Variants in NTM observed in about 807,000 individuals in gnomAD.
The protein encoded by NTM is neurotrimin.
NTM carries 13 observed loss-of-function variants against 42.1 expected under a neutral mutation model. The observed-to-expected ratio is 0.31, with a 90% confidence interval of 0.20 to 0.49. NTM has a LOEUF of 0.49. Ranked by LOEUF, NTM falls within the 20% of genes least tolerant of loss-of-function variation. The probability of loss-of-function intolerance (pLI) is 0.99; values close to 1 mark genes in which losing one functional copy is unlikely to be tolerated. For synonymous variants in NTM, 187 were observed against 179.2 expected, an observed-to-expected ratio of 1.04 and a Z score of -0.35; for missense variants, 373 against 452.8, an observed-to-expected ratio of 0.82 and a Z score of 1.60.
At chr11:131,922,520 C>T (rs573949) in intron 2 of NTM, among the ~76,000 whole-genome samples, 126,768 of 152,198 alleles carry the variant, frequency 0.83, 53,355 homozygotes, top group East Asian at 1. Flanking sequence ...CTAGTACATC[C>T]TTTATTTTTT....
chr11:131,933,955 A>G lies in NTM; in HGVS notation c.167+22307A>G, dbSNP rs115632821. On this transcript the variant is annotated intron_variant, in intron 2 of 8. Transcript: ENST00000683400. Reference sequence around the variant, plus strand: ...CACTCAGAGCCCCGTGACCATCCCAATTTTAAAAATGAGGGTCTGAGATGC... The same window carrying G: ...CACTCAGAGCCCCGTGACCATCCCAGTTTTAAAAATGAGGGTCTGAGATGC... Among the ~76,000 whole-genome samples, 1,301 of 152,176 alleles carry G rather than the reference A, an allele frequency of 8.5e-3. 15 individuals carry two copies. Among genetic ancestry groups the G allele is most frequent in the African/African-American group, 0.029 (1,196 of 41,508 alleles).
intron 1 of NTM, among the ~76,000 whole-genome samples, chr11:131,835,797 T>C (rs1238849099): frequency 1.3e-5 from 2 of 152,166 alleles, no homozygotes; most frequent in East Asian, 3.9e-4. Context: ...TTGTTTTAAC[T>C]CCAAACTGGA....
chr11:131,873,046 G>A (rs1196918756), intron 1 of NTM, among the ~76,000 whole-genome samples: 1 of 152,238 alleles, frequency 6.6e-6, no homozygotes, highest in African/African-American at 2.4e-5. Context: ...TCTGACCGGT[G>A]TGAGACACAT....
rs1443279848 is a variant in NTM, at chr11:131,763,707, C to CTTTTTTTTTTT, written c.83-147856_83-147855insTTTTTTTTTTT. Among the ~76,000 whole-genome samples the CTTTTTTTTTTT allele has an allele frequency of 2.5e-4, 15 of 60,786 alleles. 1 individual carries two copies. Among genetic ancestry groups the CTTTTTTTTTTT allele is most frequent in the East Asian group, 1.1e-3 (1 of 898 alleles). 39.9% of individuals were successfully genotyped at this position (60,786 alleles called of 152,430 possible). A position where few individuals can be genotyped will look rare whatever the true frequency, so the allele number is the denominator to read the frequency against. On this transcript the variant is annotated intron_variant, in intron 1 of 8. Coordinates refer to ENST00000683400, the MANE Select transcript of NTM (RefSeq NM_001352005.2). ...TTCTTATCCACAGGCCCATCTCTCT[C>CTTTTTTTTTTT]TCTTTTTTTTTTTTTTTTTTTTTTT...
intron 2 of NTM, among the ~76,000 whole-genome samples, chr11:132,107,368 T>TTTTTA (rs2062528361): frequency 7.1e-6 from 1 of 141,604 alleles, no homozygotes; most frequent in African/African-American, 2.6e-5. Context: ...TTTTTTTTTT[T>TTTTTA]GAGACAGGGT....
chr11:131,586,860 A>C (rs1443046015), intron 1 of NTM, among the ~76,000 whole-genome samples: 2 of 152,224 alleles, frequency 1.3e-5, no homozygotes, highest in African/African-American at 4.8e-5. Flanking sequence ...TTTGGAAAGA[A>C]CAATCTATAT....
At chr11:132,161,931 A>T (rs2074375692) in intron 3 of NTM, among the ~76,000 whole-genome samples, 1 of 152,146 alleles carries the variant, frequency 6.6e-6, no homozygotes, top group South Asian at 2.1e-4. Context: ...CTTGAAATTG[A>T]GCTGCAGTTT....
At chr11:131,632,760 C>T (rs866957858) in intron 1 of NTM, among the ~76,000 whole-genome samples, 32 of 147,128 alleles carry the variant, frequency 2.2e-4, no homozygotes, top group Admixed American at 7.5e-4. Context: ...CTGCAAGCTC[C>T]GCCTCCCGGG....
intron 1 of NTM, among the ~76,000 whole-genome samples, chr11:131,506,132 T>C (rs988189691): frequency 6.6e-6 from 1 of 152,136 alleles, no homozygotes; most frequent in African/African-American, 2.4e-5. Flanking sequence ...TTCCTTAAAA[T>C]GACTCATTCT....
At chr11:131,756,772 C>T (rs550047618) in intron 1 of NTM, among the ~76,000 whole-genome samples, 45 of 152,250 alleles carry the variant, frequency 3.0e-4, no homozygotes, top group African/African-American at 1.0e-3. Flanking sequence ...AGAGAGAAAA[C>T]GGGCTAGTCA....
intron 1 of NTM, among the ~76,000 whole-genome samples, chr11:131,511,404 C>T (rs1336519578): frequency 1.3e-5 from 2 of 152,080 alleles, no homozygotes; most frequent in Non-Finnish European, 2.9e-5. Flanking sequence ...TCTTCGCCTG[C>T]CGCTGGCCAG....
intron 4 of NTM, among the ~76,000 whole-genome samples, chr11:132,290,215 G>A (rs1274538679): frequency 6.6e-6 from 1 of 151,896 alleles, no homozygotes; most frequent in Non-Finnish European, 1.5e-5. Flanking sequence ...GTCTTATAGA[G>A]AATTAAAAAT....
chr11:131,513,978 T>C lies in NTM; in HGVS notation c.82+143090T>C, dbSNP rs117369286. On this transcript the variant is annotated intron_variant, in intron 1 of 8. Coordinates refer to ENST00000683400, the MANE Select transcript of NTM (RefSeq NM_001352005.2). ...AGCATGCTCTGTGTCATCTTTACCTTGGCTTCTGCCTCTGGAATTTATGCT... is the reference window on the plus strand; with the variant it reads ...AGCATGCTCTGTGTCATCTTTACCTCGGCTTCTGCCTCTGGAATTTATGCT... Among the ~76,000 whole-genome samples the C allele has an allele frequency of 9.5e-4, 144 of 152,258 alleles. 1 individual carries two copies. The highest frequency in any genetic ancestry group is 1.9e-3 in the Non-Finnish European group (130 of 68,018).
chr11:131,866,403 G>A (rs1161517628), intron 1 of NTM, among the ~76,000 whole-genome samples: 2 of 152,248 alleles, frequency 1.3e-5, no homozygotes, highest in African/African-American at 4.8e-5. Context: ...CCAGCTCCTT[G>A]GGGCCAGAAG....
chr11:132,230,309 A>G (rs1447537759), intron 4 of NTM, among the ~76,000 whole-genome samples: 2 of 152,236 alleles, frequency 1.3e-5, no homozygotes, highest in Non-Finnish European at 2.9e-5. Context: ...CAGCATGTTT[A>G]TCTTTAGAGC....
At chr11:132,057,451 C>G (rs1301274721) in intron 2 of NTM, among the ~76,000 whole-genome samples, 1 of 152,160 alleles carries the variant, frequency 6.6e-6, no homozygotes, top group Non-Finnish European at 1.5e-5. Context: ...TAGTAATGTC[C>G]TTTCAGTTGC....
intron 1 of NTM, among the ~76,000 whole-genome samples, chr11:131,673,813 C>T (rs1304064156): frequency 1.3e-5 from 2 of 152,136 alleles, no homozygotes; most frequent in Admixed American, 6.5e-5. Context: ...TGCAGAAGTC[C>T]TTTTAAAACA....
At chr11:132,206,129 G>A (rs1334201658) in intron 3 of NTM, among the ~76,000 whole-genome samples, 13 of 152,056 alleles carry the variant, frequency 8.5e-5, no homozygotes, top group Admixed American at 5.9e-4. Flanking sequence ...CATCACTGTC[G>A]ATTGATTTCT....
chr11:131,517,047 G>T (rs540852872), intron 1 of NTM, among the ~76,000 whole-genome samples: 3 of 152,192 alleles, frequency 2.0e-5, no homozygotes, highest in Non-Finnish European at 4.4e-5. Context: ...CTTCAAGGAA[G>T]AATAAACAGC....
Sources: allele counts gnomAD v4.1 joint callset (sites outside exome capture counted in the v4.1 genomes callset), GRCh38; gene constraint gnomAD v4.1.1; transcripts MANE v1.5; gene names NCBI Gene and HGNC (gene_info 2026-07-23, HGNC 2026-07-21).